Variants in NRAP observed in about 807,000 individuals in gnomAD.
NRAP encodes nebulin-related-anchoring protein.
In NRAP, 189 loss-of-function variants were observed where a neutral mutation model predicts 225.9. That is an observed-to-expected ratio of 0.84 (90% CI 0.74 to 0.94). The LOEUF (loss-of-function observed/expected upper bound fraction) is 0.94, where lower values mean the gene tolerates loss of function less well. Ranked by LOEUF, NRAP falls within the 40% of genes least tolerant of loss-of-function variation. NRAP has a pLI of 0.00. For synonymous variants in NRAP, 769 were observed against 790.7 expected (o/e 0.97, Z 0.46); for missense variants, 2,176 against 2,168.7 (o/e 1.00, Z -0.07).
intron 30 of NRAP, 68 bp downstream of exon 30, chr10:113,612,166 C>A: frequency 7.7e-7 from 1 of 1,301,668 alleles, no homozygotes; most frequent in Non-Finnish European, 1.1e-6. Context: ...CCAACAGGAG[C>A]CTGGAGGTCA....
In NRAP at chr10:113,588,837, A is replaced by AGAG; in HGVS notation, c.*135_*137dup. 1.4e-6 allele frequency: 1 copy of AGAG among 692,892 alleles called. No homozygotes were observed. The highest frequency in any genetic ancestry group is 2.5e-5 in the East Asian group (1 of 40,162). The allele number at this position is 692,892 out of a possible 1,614,324, so 42.9% of individuals were successfully genotyped here. A position where few individuals can be genotyped will look rare whatever the true frequency, so the allele number is the denominator to read the frequency against. ...AATACAACATTCTCCATCTGCTTTC[A>AGAG]GAGTTATTATTTTAATAAAGGAAGA... On this transcript the variant is annotated 3_prime_UTR_variant, in exon 42 of 42. Transcript: ENST00000359988.
chr10:113,589,086 A>G lies in NRAP; in HGVS notation c.5089-7T>C, dbSNP rs530846368. The stretch of plus-strand genomic sequence containing the variant: ...CCACTGCTTCTGCCCCCCGCTGCTG[A>G]AATCAAACATACCCCAAGTTAAAAT... On this transcript the variant is annotated splice_polypyrimidine_tract_variant and splice_region_variant and intron_variant, in intron 41 of 41. Transcript: ENST00000359988. 84 of 1,612,234 alleles carry G rather than the reference A, an allele frequency of 5.2e-5. No individual in the cohort carries two copies. The highest frequency in any genetic ancestry group is 4.6e-4 in the South Asian group (42 of 91,002).
intron 40 of NRAP, 86 bp from the exon 41 acceptor site, chr10:113,589,883 C>T: frequency 6.9e-7 from 1 of 1,448,854 alleles, no homozygotes; most frequent in African/African-American, 1.4e-5. Context: ...AAAAAGGCAG[C>T]CACAGTATGA....
chr10:113,638,612 G>A lies in NRAP; in HGVS notation c.1428+1615C>T, dbSNP rs376048835. 1.3e-4 allele frequency among the ~76,000 whole-genome samples: 20 copies of A among 152,302 alleles called. No homozygotes were observed. The East Asian group carries it at 1.9e-3, about 15-fold the overall frequency. ...GCTAAAGGAGGTACAGCAACAGAGA[G>A]CAGTCACCACCCAGTCCCAGCCAAT... On this transcript the variant is annotated intron_variant, in intron 14 of 41. Coordinates refer to ENST00000359988, the MANE Select transcript of NRAP (RefSeq NM_198060.4).
At chr10:113,622,427 C>T (rs776251378) in intron 23 of NRAP, among the ~76,000 whole-genome samples, 14 of 152,082 alleles carry the variant, frequency 9.2e-5, no homozygotes, top group Non-Finnish European at 1.8e-4. Context: ...ATAAAAGTAG[C>T]CGTGAAATGA....
Position 113,590,650 on chromosome 10 carries a change from CA to C in NRAP, c.4883del (p.Leu1628ArgfsTer32), listed in dbSNP as rs1182510670. 6.2e-7 allele frequency: 1 copy of C among 1,614,092 alleles called. No homozygotes were observed. On this transcript the variant is annotated frameshift_variant, in exon 40 of 42. Transcript: ENST00000359988. LOFTEE classifies it high-confidence loss of function. ...LASDVHYRQP[L>X]PQPTCDPEQL... ...GCTCCGGGTCGCAGGTGGGCTGGGG[CA>C]GGGGCTGCCTGTAGTGCACATCACT...
chr10:113,616,211 C>CCTAT (rs1847653751), intron 26 of NRAP, among the ~76,000 whole-genome samples: 1 of 152,124 alleles, frequency 6.6e-6, no homozygotes, highest in African/African-American at 2.4e-5. Flanking sequence ...TTTTCTCCTC[C>CCTAT]CTATCTCAAT....
At chr10:113,625,838 T>A (rs1377541388) in intron 21 of NRAP, among the ~76,000 whole-genome samples, 1 of 152,072 alleles carries the variant, frequency 6.6e-6, no homozygotes, top group Non-Finnish European at 1.5e-5. Flanking sequence ...CCTAATAAAA[T>A]CGGGGGAGAT....
chr10:113,643,916 T>C (rs1849350688), intron 11 of NRAP, among the ~76,000 whole-genome samples: 1 of 152,012 alleles, frequency 6.6e-6, no homozygotes, highest in African/African-American at 2.4e-5. Flanking sequence ...TATATTCATA[T>C]AGAAAGAGGC....
chr10:113,660,981 CAT>C (rs1393930203), intron 3 of NRAP, among the ~76,000 whole-genome samples: 1 of 152,098 alleles, frequency 6.6e-6, no homozygotes, highest in African/African-American at 2.4e-5. Context: ...GTCAAGAACA[CAT>C]GAGATAATAT....
At position 113,620,689 on chromosome 10, in the gene NRAP, A is replaced by G; in HGVS notation, c.2789T>C (p.Val930Ala). 1 of 1,610,356 alleles carries G rather than the reference A, an allele frequency of 6.2e-7. No individual in the cohort carries two copies. Among genetic ancestry groups the G allele is most frequent in the Non-Finnish European group, 8.5e-7 (1 of 1,177,538 alleles). Residue 930 changes from valine to alanine, a missense_variant, in exon 25 of 42, where the codon GTG becomes GCG. Transcript: ENST00000359988. ...CCAGCCCATGCCTTTCATCCACTTC[A>G]CATCTGCCCTGTATTGGTTCTGACA... ...LQSDNQYRAD[V>A]KWMKGMGWVA...
At chr10:113,593,201 C>T (rs535383378) in intron 38 of NRAP, among the ~76,000 whole-genome samples, 8 of 152,128 alleles carry the variant, frequency 5.3e-5, no homozygotes, top group Non-Finnish European at 8.8e-5. Context: ...CAGACCGTGT[C>T]GGTTGCTCAC....
intron 4 of NRAP, among the ~76,000 whole-genome samples, chr10:113,655,636 A>G (rs1466140144): frequency 6.6e-6 from 1 of 151,778 alleles, no homozygotes; most frequent in African/African-American, 2.4e-5. Context: ...TTATATTTTT[A>G]GTAGAGATGG....
intron 29 of NRAP, among the ~76,000 whole-genome samples, chr10:113,613,168 A>T (rs1409707920): frequency 6.6e-6 from 1 of 151,954 alleles, no homozygotes; most frequent in Non-Finnish European, 1.5e-5. Flanking sequence ...CCCCACTTCC[A>T]TTCATTCTGT....
intron 4 of NRAP, among the ~76,000 whole-genome samples, chr10:113,656,545 C>T (rs1171384264): frequency 6.6e-6 from 1 of 152,180 alleles, no homozygotes; most frequent in East Asian, 1.9e-4. Context: ...GTTTATATAA[C>T]ATATATACAT....
intron 35 of NRAP, among the ~76,000 whole-genome samples, chr10:113,603,184 A>G (rs1846713183): frequency 6.6e-6 from 1 of 152,218 alleles, no homozygotes; most frequent in African/African-American, 2.4e-5. Context: ...GTCATGTTCC[A>G]TGCCATCGTT....
intron 35 of NRAP, among the ~76,000 whole-genome samples, chr10:113,599,523 G>A (rs965977779): frequency 9.9e-5 from 15 of 152,146 alleles, no homozygotes; most frequent in South Asian, 2.1e-4. Flanking sequence ...AGTGGGGAGC[G>A]CTCTTTCAAC....
At chr10:113,629,142 T>A in intron 19 of NRAP, 121 bp from the exon 20 acceptor site, 1 of 740,308 alleles carries the variant, frequency 1.4e-6, no homozygotes, top group Non-Finnish European at 2.4e-6. Context: ...TGCTCCCTGC[T>A]CCTTTATGGT....
intron 9 of NRAP, among the ~76,000 whole-genome samples, chr10:113,649,078 G>C (rs1849772921): frequency 6.6e-6 from 1 of 152,192 alleles, no homozygotes; most frequent in African/African-American, 2.4e-5. Flanking sequence ...AGCACTAAAA[G>C]ACCACTTAAT....
Sources: gnomAD v4.1 joint callset for allele counts (sites outside exome capture counted in the v4.1 genomes callset) on GRCh38, gnomAD v4.1.1 for gene constraint, MANE v1.5 for transcripts, NCBI Gene and HGNC (gene_info 2026-07-23, HGNC 2026-07-21) for gene names.